Variants in FSTL5 observed in about 807,000 individuals in gnomAD.
FSTL5 encodes follistatin like 5, also known as follistatin-related protein 5.
In FSTL5, 62 loss-of-function variants were observed where a neutral mutation model predicts 89.1. The ratio of observed to expected loss-of-function variants is 0.70; its 90% CI spans 0.57 to 0.86. The LOEUF is 0.86. FSTL5 is among the 40% of genes least tolerant of loss of function. The pLI, the probability that FSTL5 is intolerant of heterozygous loss-of-function variation, is 0.00. For missense variants in FSTL5, 1,057 were observed against 1,001.6 expected (o/e 1.06, Z -0.75); for synonymous variants, 383 against 346.2 (o/e 1.11, Z -1.18).
chr4:161,545,848 A>G (rs1731987932), intron 8 of FSTL5, among the ~76,000 whole-genome samples: 1 of 151,950 alleles, frequency 6.6e-6, no homozygotes, highest in Non-Finnish European at 1.5e-5. Context: ...ATGAAATCAA[A>G]TTTGCTGAAT....
At chr4:162,057,702 G>C (rs1048167552) in intron 2 of FSTL5, among the ~76,000 whole-genome samples, 2 of 152,146 alleles carry the variant, frequency 1.3e-5, no homozygotes, top group African/African-American at 4.8e-5. Flanking sequence ...CCAGAACTTT[G>C]GGAGGCCGAG....
At chr4:162,150,688 A>G (rs545343096) in intron 1 of FSTL5, among the ~76,000 whole-genome samples, 63 of 152,200 alleles carry the variant, frequency 4.1e-4, no homozygotes, top group Non-Finnish European at 7.1e-4. Context: ...GTTAAATAAT[A>G]TCTCAACCAT....
intron 10 of FSTL5, among the ~76,000 whole-genome samples, chr4:161,521,336 T>C (rs954419483): frequency 2.6e-5 from 4 of 152,086 alleles, no homozygotes; most frequent in African/African-American, 7.2e-5. Flanking sequence ...GTTTTTTTTT[T>C]CCTGTAATTA....
chr4:161,552,283 A>G (rs888027539), intron 8 of FSTL5, among the ~76,000 whole-genome samples: 1 of 151,886 alleles, frequency 6.6e-6, no homozygotes, highest in African/African-American at 2.4e-5. Context: ...ACAACTCTCA[A>G]TAAGTATTTA....
chr4:161,444,589 C>T (rs1487688491), intron 15 of FSTL5, among the ~76,000 whole-genome samples: 1 of 151,636 alleles, frequency 6.6e-6, no homozygotes, highest in East Asian at 1.9e-4. Context: ...TTAAGGTAGA[C>T]TTTGAAGGAT....
chr4:161,415,240 T>C (rs996354359), intron 15 of FSTL5, among the ~76,000 whole-genome samples: 1 of 152,032 alleles, frequency 6.6e-6, no homozygotes, highest in Non-Finnish European at 1.5e-5. Context: ...CCAGCATTGT[T>C]TGTCTCTTCA....
At chr4:161,748,745 A>C (rs1740290343) in intron 6 of FSTL5, among the ~76,000 whole-genome samples, 1 of 151,996 alleles carries the variant, frequency 6.6e-6, no homozygotes, top group African/African-American at 2.4e-5. Context: ...AAATTAGAAA[A>C]GCTATTTTTA....
chr4:161,865,611 G>A (rs534566985), intron 4 of FSTL5, among the ~76,000 whole-genome samples: 1 of 151,974 alleles, frequency 6.6e-6, no homozygotes, highest in South Asian at 2.1e-4. Flanking sequence ...TTACTATAAC[G>A]TTACAATATC....
intron 7 of FSTL5, among the ~76,000 whole-genome samples, chr4:161,654,376 G>A (rs1405003671): frequency 6.6e-5 from 10 of 152,082 alleles, no homozygotes; most frequent in Admixed American, 1.3e-4. Context: ...GTAAAAAAAA[G>A]AAAAGATAAA....
At chr4:161,410,149 T>C (rs1288070243) in intron 15 of FSTL5, among the ~76,000 whole-genome samples, 2 of 152,114 alleles carry the variant, frequency 1.3e-5, no homozygotes, top group Non-Finnish European at 2.9e-5. Flanking sequence ...GATTACATAA[T>C]GATAAAAGGT....
At chr4:161,402,213 C>G (rs892729992) in intron 15 of FSTL5, among the ~76,000 whole-genome samples, 1 of 152,128 alleles carries the variant, frequency 6.6e-6, no homozygotes, top group African/African-American at 2.4e-5. Flanking sequence ...GCAACAAATG[C>G]ATCATTTGCA....
rs56229701 is a variant in FSTL5 at position 161,437,565 on chromosome 4, C to CAAAAAAAAAAAAAAAAAAAAAA, written c.1841+17438_1841+17439insTTTTTTTTTTTTTTTTTTTTTT. Among the ~76,000 whole-genome samples the CAAAAAAAAAAAAAAAAAAAAAA allele has an allele frequency of 1.2e-3, 80 of 68,488 alleles. 8 individuals carry two copies. Among genetic ancestry groups the CAAAAAAAAAAAAAAAAAAAAAA allele is most frequent in the African/African-American group, 4.7e-3 (57 of 12,002 alleles). 44.9% of individuals were successfully genotyped at this position (68,488 alleles called of 152,430 possible). ...CTGGTGACAGAGTGAGACTCCGTCT[C>CAAAAAAAAAAAAAAAAAAAAAA]AAAAAAAAAAAAAAAAACGAGGTCA... On this transcript the variant is annotated intron_variant, in intron 15 of 15. Transcript: ENST00000306100.
intron 15 of FSTL5, among the ~76,000 whole-genome samples, chr4:161,408,362 C>G (rs545056092): frequency 6.6e-6 from 1 of 152,254 alleles, no homozygotes; most frequent in African/African-American, 2.4e-5. Context: ...AAGAATTCTA[C>G]AATCAAAGAA....
chr4:161,837,788 GC>G (rs1334179062), intron 4 of FSTL5, among the ~76,000 whole-genome samples: 1 of 152,012 alleles, frequency 6.6e-6, no homozygotes, highest in East Asian at 1.9e-4. Context: ...AAAATTTATG[GC>G]CTATGAAGTG....
intron 3 of FSTL5, among the ~76,000 whole-genome samples, chr4:161,946,170 A>G (rs1401161100): frequency 6.6e-6 from 1 of 152,216 alleles, no homozygotes; most frequent in Non-Finnish European, 1.5e-5. Context: ...AGCCAGTCTC[A>G]TATGTTCATT....
At chr4:161,502,110 G>A (rs142928423) in intron 11 of FSTL5, among the ~76,000 whole-genome samples, 1 of 152,032 alleles carries the variant, frequency 6.6e-6, no homozygotes, top group Non-Finnish European at 1.5e-5. Context: ...TTATGAATTT[G>A]AATGTGTTTG....
chr4:161,649,388 A>C (rs901946167), intron 7 of FSTL5, among the ~76,000 whole-genome samples: 1 of 152,164 alleles, frequency 6.6e-6, no homozygotes, highest in Non-Finnish European at 1.5e-5. Flanking sequence ...TCCTTACAAA[A>C]AGAAATGTTC....
chr4:162,115,255 C>G (rs1311860821), intron 1 of FSTL5, among the ~76,000 whole-genome samples: 3 of 152,036 alleles, frequency 2.0e-5, no homozygotes, highest in Non-Finnish European at 2.9e-5. Flanking sequence ...AAACAGTAAC[C>G]TAAATTAAAA....
At chr4:161,536,181 C>A (rs7676078) in intron 10 of FSTL5, among the ~76,000 whole-genome samples, 1 of 151,810 alleles carries the variant, frequency 6.6e-6, no homozygotes. Context: ...ACCCCAAACC[C>A]CAGCACCAAG....
Sources: gnomAD v4.1 joint callset for allele counts (sites outside exome capture counted in the v4.1 genomes callset) on GRCh38, gnomAD v4.1.1 for gene constraint, MANE v1.5 for transcripts, NCBI Gene and HGNC (gene_info 2026-07-23, HGNC 2026-07-21) for gene names.